ZNF500: variants seen among roughly 807,000 people sequenced by gnomAD.
ZNF500 encodes zinc finger protein 500, also known as zinc finger protein with KRAB and SCAN domains 18.
Under a neutral mutation model 30.1 loss-of-function variants are expected in ZNF500, and 31 were observed. That is an observed-to-expected ratio of 1.03 (90% CI 0.77 to 1.39). The LOEUF (loss-of-function observed/expected upper bound fraction) is 1.39, where lower values mean the gene tolerates loss of function less well. Among genes scored for constraint, ZNF500 ranks in the 40% most tolerant of loss-of-function variants. The pLI is 0.00. For missense variants in ZNF500, 817 were observed against 657.8 expected, an observed-to-expected ratio of 1.24 and a Z score of -2.65; for synonymous variants, 392 against 282.0, an observed-to-expected ratio of 1.39 and a Z score of -3.91.
downstream of ZNF500, chr16:4,746,204 C>G (rs1177533685): frequency 1.5e-6 from 1 of 655,362 alleles, no homozygotes; most frequent in Non-Finnish European, 2.5e-6. Context: ...TGGCCTAAAT[C>G]TCGCATGCTG....
At position 4,750,081 on chromosome 16, in the gene ZNF500, C is replaced by G. The variant is rs1395847108; in HGVS notation, c.*2295G>C. Reference sequence around the variant, plus strand: ...CACACTCCCCCAGAGGCCGCCACCTCCAGCACAGGCCTGGATATGAGAGAG... The same window carrying G: ...CACACTCCCCCAGAGGCCGCCACCTGCAGCACAGGCCTGGATATGAGAGAG... On this transcript the variant is annotated 3_prime_UTR_variant, in exon 6 of 6. Coordinates refer to ENST00000219478, the MANE Select transcript of ZNF500 (RefSeq NM_021646.4). 1 of 152,540 alleles carries G rather than the reference C, an allele frequency of 6.6e-6. No homozygotes were observed. Among genetic ancestry groups the G allele is most frequent in the African/African-American group, 2.4e-5 (1 of 41,458 alleles). 9.4% of individuals were successfully genotyped at this position (152,540 alleles called of 1,614,324 possible).
intron 2 of ZNF500, 44 bp from the exon 3 acceptor site, chr16:4,762,800 G>A (rs752458494): frequency 1.2e-5 from 19 of 1,538,298 alleles, no homozygotes; most frequent in East Asian, 2.3e-5. Context: ...CAGAAGGCCA[G>A]AAGGAAAAAT....
At chr16:4,746,886 G>A (rs1187347920), downstream of ZNF500, 1 of 1,487,004 alleles carries the variant, frequency 6.7e-7, no homozygotes, top group Non-Finnish European at 9.0e-7. Context: ...GGAACACCAG[G>A]TGGAGTGGGC....
At chr16:4,745,046 C>T, downstream of ZNF500, 2 of 1,601,162 alleles carry the variant, frequency 1.2e-6, no homozygotes, top group South Asian at 1.1e-5. Flanking sequence ...TCCTGTGGTC[C>T]TTTAGAATGG....
Position 4,751,507 on chromosome 16 carries a change from G to T in ZNF500, c.*869C>A. 1 of 1,451,994 alleles carries T rather than the reference G, an allele frequency of 6.9e-7. No individual in the cohort carries two copies. Among genetic ancestry groups the T allele is most frequent in the Non-Finnish European group, 9.2e-7 (1 of 1,088,046 alleles). 89.9% of individuals were successfully genotyped at this position (1,451,994 alleles called of 1,614,324 possible). A position where few individuals can be genotyped will look rare whatever the true frequency, so the allele number is the denominator to read the frequency against. On this transcript the variant is annotated 3_prime_UTR_variant, in exon 6 of 6. Transcript: ENST00000219478. ...CAGCTATGGATCTGCAAAGGGGACT[G>T]GAATGCTGCAGAGCCCCGGGCTCCA...
rs2082218207 is a variant in ZNF500 at position 4,762,616 on chromosome 16, C to G, written c.555G>C (p.Leu185=). The G allele has an allele frequency of 2.5e-6, 4 of 1,613,934 alleles. No individual in the cohort carries two copies. Among genetic ancestry groups the G allele is most frequent in the Non-Finnish European group, 3.4e-6 (4 of 1,179,976 alleles). Residue 185 remains leucine, a synonymous_variant, in exon 3 of 6, where the codon CTG becomes CTC. Transcript: ENST00000219478. ...RFSSQQPPAQ[L]SHRPQRGPLL... is the part of the protein sequence containing the mutation. ...GCGGGCCCCTCTGTGGCCTGTGGCT[C>G]AGCTGGGCTGGGGGCTGCTGGCTGG...
In ZNF500 at chr16:4,766,056, AAG is replaced by A. The variant is rs2082262552; in HGVS notation, c.-80_-79del. 5 of 1,477,170 alleles carry A rather than the reference AAG, an allele frequency of 3.4e-6. No individual in the cohort carries two copies. The highest frequency in any genetic ancestry group is 1.4e-5 in the African/African-American group (1 of 71,306). The allele number at this position is 1,477,170 out of a possible 1,614,324, so 91.5% of individuals were successfully genotyped here. A position where few individuals can be genotyped will look rare whatever the true frequency, so the allele number is the denominator to read the frequency against. ...CTCTATACCTCTGGCCAGACACAGG[AAG>A]AGAGTTTTTTTCAGGGCCCTGTGGA... On this transcript the variant is annotated 5_prime_UTR_variant, in exon 2 of 6. Coordinates refer to ENST00000219478, the MANE Select transcript of ZNF500 (RefSeq NM_021646.4).
Position 4,748,320 on chromosome 16 carries a change from G to A in ZNF500, c.*4056C>T, listed in dbSNP as rs2082045189. ...CCTGCCTAGGCCTTCCACAGTGCTGGGATTATAGCACTGTGAGCTGCCAGC... is the reference window on the plus strand; with the variant it reads ...CCTGCCTAGGCCTTCCACAGTGCTGAGATTATAGCACTGTGAGCTGCCAGC... On this transcript the variant is annotated 3_prime_UTR_variant, in exon 6 of 6. Transcript: ENST00000219478. The A allele has an allele frequency of 6.6e-6, 1 of 151,420 alleles. No individual in the cohort carries two copies. Among genetic ancestry groups the A allele is most frequent in the African/African-American group, 2.4e-5 (1 of 41,192 alleles). The allele number at this position is 151,420 out of a possible 1,614,324, so 9.4% of individuals were successfully genotyped here.
At chr16:4,745,749 G>C (rs1300241460), downstream of ZNF500, among the ~76,000 whole-genome samples, 2 of 152,082 alleles carry the variant, frequency 1.3e-5, no homozygotes, top group African/African-American at 2.4e-5. Flanking sequence ...TCAGGAGTTC[G>C]AGACCAGCCT....
chr16:4,763,119 C>T (rs2082225813), intron 2 of ZNF500: 1 of 985,270 alleles, frequency 1.0e-6, no homozygotes, highest in Admixed American at 6.1e-5. Flanking sequence ...ATTATCTGGC[C>T]AGCTGCAATG....
downstream of ZNF500, chr16:4,744,936 C>T: frequency 2.5e-6 from 4 of 1,613,938 alleles, no homozygotes; most frequent in Non-Finnish European, 2.5e-6. Context: ...ACCACGCAGT[C>T]CAAGGCCTCT....
intron 1 of ZNF500, 32 bp from the exon 2 acceptor site, chr16:4,766,108 C>A (rs1225334923): frequency 2.6e-6 from 3 of 1,150,802 alleles, no homozygotes; most frequent in Non-Finnish European, 3.5e-6. Context: ...ATCTGAAGGG[C>A]AGCCCTGGGG....
chr16:4,765,027 G>A (rs1190685779), intron 2 of ZNF500, among the ~76,000 whole-genome samples: 2 of 151,938 alleles, frequency 1.3e-5, no homozygotes, highest in East Asian at 1.9e-4. Context: ...TGGGGCTGGC[G>A]TAGTGGCTCA....
chr16:4,753,789 G>T (rs1372650392), intron 5 of ZNF500, among the ~76,000 whole-genome samples: 1 of 152,270 alleles, frequency 6.6e-6, no homozygotes, highest in African/African-American at 2.4e-5. Context: ...AGCACAGGCA[G>T]CCCCACGTGG....
rs778281388 is a variant in ZNF500, at chr16:4,753,033, G to A, written c.786C>T (p.Gly262=). The A allele has an allele frequency of 1.5e-5, 23 of 1,529,110 alleles. No homozygotes were observed. The highest frequency in any genetic ancestry group is 2.5e-5 in the South Asian group (2 of 79,252). 94.7% of individuals were successfully genotyped at this position (1,529,110 alleles called of 1,614,324 possible). A position where few individuals can be genotyped will look rare whatever the true frequency, so the allele number is the denominator to read the frequency against. ...NEGPGIQLED[G]GDGREDAPLR... is the part of the protein sequence containing the mutation. ...ACGGGGCATCCTCCCTGCCATCACCGCCGTCCTCCAACTGGATCCCAGGTC... is the reference window on the plus strand; with the variant it reads ...ACGGGGCATCCTCCCTGCCATCACCACCGTCCTCCAACTGGATCCCAGGTC... Residue 262 remains glycine, a synonymous_variant, in exon 6 of 6, where the codon GGC becomes GGT. Transcript: ENST00000219478.
At chr16:4,766,166 C>CG in intron 1 of ZNF500, 90 bp from the exon 2 acceptor site, 1 of 526,724 alleles carries the variant, frequency 1.9e-6, no homozygotes, top group East Asian at 3.2e-5. Context: ...GTTCCAAGGC[C>CG]AGCTCACCCC....
At chr16:4,764,420 G>A (rs928193739) in intron 2 of ZNF500, among the ~76,000 whole-genome samples, 3 of 152,100 alleles carry the variant, frequency 2.0e-5, no homozygotes, top group African/African-American at 4.8e-5. Flanking sequence ...CAGCTACTTG[G>A]GAGGCTGAGG....
chr16:4,755,004 T>C (rs2082122014), intron 5 of ZNF500, among the ~76,000 whole-genome samples: 1 of 152,236 alleles, frequency 6.6e-6, no homozygotes, highest in Non-Finnish European at 1.5e-5. Context: ...GCTCCAGCCA[T>C]GTGAGACATG....
At position 4,754,338 on chromosome 16, in the gene ZNF500, G is replaced by A. The variant is rs558053265; in HGVS notation, c.761-1280C>T. Reference sequence around the variant, plus strand: ...AGATAGCCGAAGGTGGGTTTGGCACGTACTGAGCCTCAAATTCCACATCTA... The same window carrying A: ...AGATAGCCGAAGGTGGGTTTGGCACATACTGAGCCTCAAATTCCACATCTA... On this transcript the variant is annotated intron_variant, in intron 5 of 5. Transcript: ENST00000219478. 2.6e-5 allele frequency among the ~76,000 whole-genome samples: 4 copies of A among 152,148 alleles called. No individual in the cohort carries two copies. In the South Asian group the frequency reaches 6.2e-4, roughly 24 times the overall value.
Sources: gnomAD v4.1 joint callset for allele counts (sites outside exome capture counted in the v4.1 genomes callset) on GRCh38, gnomAD v4.1.1 for gene constraint, MANE v1.5 for transcripts, NCBI Gene and HGNC (gene_info 2026-07-23, HGNC 2026-07-21) for gene names.